AP3D1: variants seen among roughly 807,000 people sequenced by gnomAD.
AP3D1 encodes the protein AP-3 complex subunit delta-1.
A neutral mutation model predicts 147.6 loss-of-function variants in AP3D1; 51 were observed. The observed-to-expected ratio is 0.35, with a 90% CI of 0.28 to 0.44. The LOEUF is 0.44. Ranked by LOEUF, AP3D1 falls within the 20% of genes least tolerant of loss-of-function variation. AP3D1 has a pLI of 1.00. For missense variants in AP3D1, 1,421 were observed against 1,624.2 expected, an observed-to-expected ratio of 0.87 and a Z score of 2.15; for synonymous variants, 760 against 663.0, an observed-to-expected ratio of 1.15 and a Z score of -2.25.
In AP3D1 at chr19:2,117,060, G is replaced by C. The variant is rs920029520; in HGVS notation, c.1859+162C>G. 3.2e-6 allele frequency: 3 copies of C among 936,022 alleles called. No homozygotes were observed. In the South Asian group the frequency reaches 5.8e-5, roughly 18 times the overall value. 58.0% of individuals were successfully genotyped at this position (936,022 alleles called of 1,614,324 possible). Reference sequence around the variant, plus strand: ...AGAAGCCAGATCCCAGAACCAGTGAGAGACCTGGTGAGTCCGTGTGAGGGA... The same window carrying C: ...AGAAGCCAGATCCCAGAACCAGTGACAGACCTGGTGAGTCCGTGTGAGGGA... On this transcript the variant is annotated intron_variant, in intron 16 of 31. Coordinates refer to ENST00000643116, the MANE Select transcript of AP3D1 (RefSeq NM_001261826.3).
At chr19:2,161,193 C>T (rs2019694717) in intron 1 of AP3D1, among the ~76,000 whole-genome samples, 3 of 135,622 alleles carry the variant, frequency 2.2e-5, no homozygotes, top group Admixed American at 1.6e-4. Context: ...CAGAGTCTTG[C>T]TCTTGTTGCT....
At position 2,117,251 on chromosome 19, in the gene AP3D1, C is replaced by T; in HGVS notation, c.1830G>A (p.Lys610=). Residue 610 remains lysine (K), a synonymous_variant, in exon 16 of 32, where the codon AAG becomes AAA. Transcript: ENST00000643116. The part of the protein sequence containing the change: ...FAGELNPVAP[K]AQKKVPVPEG... Reference sequence around the variant, plus strand: ...CGGGGACTGGAACCTTCTTCTGGGCCTTGGGGGCCACTGGGTTCAGCTCCC... The same window carrying T: ...CGGGGACTGGAACCTTCTTCTGGGCTTTGGGGGCCACTGGGTTCAGCTCCC... 1 of 1,612,394 alleles carries T rather than the reference C, an allele frequency of 6.2e-7. No individual in the cohort carries two copies.
intron 8 of AP3D1, among the ~76,000 whole-genome samples, chr19:2,128,024 T>C (rs928852386): frequency 6.6e-6 from 1 of 152,224 alleles, no homozygotes; most frequent in Non-Finnish European, 1.5e-5. Flanking sequence ...AATGTACTAA[T>C]GACACCCTTC....
chr19:2,157,758 G>T (rs571319701), intron 1 of AP3D1, among the ~76,000 whole-genome samples: 25 of 151,002 alleles, frequency 1.7e-4, no homozygotes, highest in African/African-American at 5.9e-4. Flanking sequence ...ACAACATACT[G>T]AGTATCTACT....
chr19:2,125,286 A>G (rs1339696869), intron 9 of AP3D1, among the ~76,000 whole-genome samples: 1 of 152,154 alleles, frequency 6.6e-6, no homozygotes, highest in East Asian at 1.9e-4. Context: ...GTCACACCCA[A>G]TCTTTGTAGG....
intron 16 of AP3D1, 160 bp from the exon 17 acceptor site, chr19:2,116,906 T>C: frequency 2.9e-6 from 3 of 1,039,686 alleles, no homozygotes; most frequent in Middle Eastern, 3.2e-4. Flanking sequence ...CACTGCCCCT[T>C]AAGAGGACGC....
chr19:2,147,415 TC>T (rs2019387449), intron 1 of AP3D1, among the ~76,000 whole-genome samples: 1 of 124,918 alleles, frequency 8.0e-6, no homozygotes, highest in Non-Finnish European at 1.7e-5. Flanking sequence ...TCTTTTCCTT[TC>T]TTTTTTTTTT....
At chr19:2,152,356 A>G (rs113718173), upstream of AP3D1, among the ~76,000 whole-genome samples, 6,200 of 151,972 alleles carry the variant, frequency 0.041, 418 homozygotes, top group African/African-American at 0.14. Flanking sequence ...CAGCCAGGCC[A>G]ACATGGTGAA....
intron 1 of AP3D1, among the ~76,000 whole-genome samples, chr19:2,147,425 T>C (rs1317554010): frequency 2.7e-5 from 4 of 147,404 alleles, no homozygotes; most frequent in African/African-American, 9.9e-5. Context: ...TCTTTTTTTT[T>C]TTTTTTTAGT....
intron 30 of AP3D1, 160 bp from the exon 31 acceptor site, chr19:2,108,926 G>T: frequency 7.6e-7 from 1 of 1,314,058 alleles, no homozygotes; most frequent in Non-Finnish European, 1.0e-6. Context: ...GGGGAATGCA[G>T]CCCCCGCACC....
rs1225987510 is a variant in AP3D1 at position 2,138,639 on chromosome 19, C to T, written c.172G>A (p.Ala58Thr). 40 of 1,613,824 alleles carry T rather than the reference C, an allele frequency of 2.5e-5. No homozygotes were observed. The highest frequency in any genetic ancestry group is 3.1e-5 in the Non-Finnish European group (36 of 1,179,990). Residue 58 changes from alanine (A) to threonine (T), a missense_variant, in exon 2 of 32, where the codon GCG becomes ACG. Physicochemically the swap from Ala to Thr is moderately conservative, Grantham distance 58 (BLOSUM62 0). This residue lies in a region of AP3D1 where 292 missense variants were observed against 412.0 expected (regional missense o/e 0.71). Coordinates refer to ENST00000643116, the MANE Select transcript of AP3D1 (RefSeq NM_001261826.3). ...KQDNIAVKAN[A>T]VCKLTYLQML... ...CTTACATACGTCAGCTTGCAGACCG[C>T]GTTCGCCTTCACCGCTATGTTGTCC... is the stretch of plus-strand genomic sequence containing the variant.
chr19:2,153,057 TAAA>T (rs34417814), upstream of AP3D1, among the ~76,000 whole-genome samples: 6 of 113,988 alleles, frequency 5.3e-5, no homozygotes, highest in African/African-American at 9.7e-5. Context: ...ACACCCATCT[TAAA>T]AAAAAAAAAA....
intron 14 of AP3D1, among the ~76,000 whole-genome samples, chr19:2,120,081 G>A (rs1008423494): frequency 3.3e-5 from 5 of 152,190 alleles, no homozygotes; most frequent in African/African-American, 1.2e-4. Flanking sequence ...GGGAGTGCTC[G>A]GTGTGGCCGT....
At position 2,109,952 on chromosome 19, in the gene AP3D1, C is replaced by T. The variant is rs763764314; in HGVS notation, c.3271G>A (p.Glu1091Lys). ...TCCAGCTTCTCGTGGGTCGCACCCT[C>T]GTCATTCTGCGGTGGAGTGAAGGTG... ...GTLSFIAKND[E>K]GATHEKLDFR... Residue 1091 changes from glutamate to lysine, a missense_variant, in exon 29 of 32, where the codon GAG (glutamate) becomes AAG (lysine). Physicochemically the swap from Glu to Lys is moderately conservative, Grantham distance 56. This residue lies in a region of AP3D1 where 791 missense variants were observed against 761.4 expected (regional missense o/e 1.04). Transcript: ENST00000643116. 14 of 1,613,532 alleles carry T rather than the reference C, an allele frequency of 8.7e-6. 1 individual carries two copies. Among genetic ancestry groups the T allele is most frequent in the Middle Eastern group, 1.7e-4 (1 of 6,054 alleles).
At chr19:2,111,861 A>AG in intron 24 of AP3D1, 33 bp from the exon 25 acceptor site, 1 of 1,611,228 alleles carries the variant, frequency 6.2e-7, no homozygotes, top group African/African-American at 1.3e-5. Context: ...TTCAGTGCCC[A>AG]GGCTGCTCCA....
intron 1 of AP3D1, among the ~76,000 whole-genome samples, chr19:2,145,271 G>A (rs923875500): frequency 2.0e-5 from 3 of 152,160 alleles, no homozygotes; most frequent in African/African-American, 7.2e-5. Flanking sequence ...GGAGCATTAG[G>A]GACCACTCAG....
At chr19:2,120,791 G>A in intron 14 of AP3D1, 71 bp downstream of exon 14, 3 of 1,469,494 alleles carry the variant, frequency 2.0e-6, no homozygotes, top group Non-Finnish European at 2.8e-6. Flanking sequence ...GGATCTGCCA[G>A]GCACATCCCT....
At chr19:2,150,733 G>A (rs946650776) in intron 1 of AP3D1, among the ~76,000 whole-genome samples, 2 of 152,218 alleles carry the variant, frequency 1.3e-5, no homozygotes, top group African/African-American at 4.8e-5. Context: ...GACGGCCCAG[G>A]ACCCCCTGCC....
chr19:2,102,428 T>C (rs947205312), intron 31 of AP3D1, among the ~76,000 whole-genome samples, 160 bp from the exon 32 acceptor site: 1 of 152,066 alleles, frequency 6.6e-6, no homozygotes, highest in African/African-American at 2.4e-5. Flanking sequence ...ACCCTGTCTC[T>C]ACTAAAAATA....
Sources: allele counts gnomAD v4.1 joint callset (sites outside exome capture counted in the v4.1 genomes callset), GRCh38; gene constraint gnomAD v4.1.1; regional missense constraint gnomAD v4.1.1; transcripts MANE v1.5; gene names NCBI Gene and HGNC (gene_info 2026-07-23, HGNC 2026-07-21).